KCNJ16: variants seen among roughly 807,000 people sequenced by gnomAD.
KCNJ16 encodes the protein potassium inwardly rectifying channel subfamily J member 16, also known as inward rectifier potassium channel 16.
Under a neutral mutation model 18.5 loss-of-function variants are expected in KCNJ16, and 15 were observed. That is an observed-to-expected ratio of 0.81 (90% confidence interval 0.54 to 1.25). The LOEUF (loss-of-function observed/expected upper bound fraction) is 1.25. KCNJ16 is among the 50% of genes most tolerant of loss of function. The probability of loss-of-function intolerance (pLI) is 0.00; values close to 1 mark genes in which losing one functional copy is unlikely to be tolerated. For missense variants in KCNJ16, 523 were observed against 525.7 expected (o/e 0.99, Z 0.05); for synonymous variants, 174 against 186.5 (o/e 0.93, Z 0.55).
intron 2 of KCNJ16, among the ~76,000 whole-genome samples, chr17:70,105,703 CT>C: frequency 6.6e-6 from 1 of 152,006 alleles, no homozygotes; most frequent in East Asian, 1.9e-4. Context: ...GGCTTTCGAA[CT>C]TTTAATGTTT....
chr17:70,076,507 C>G (rs1412296143), intron 1 of KCNJ16, among the ~76,000 whole-genome samples: 2 of 152,090 alleles, frequency 1.3e-5, no homozygotes, highest in Non-Finnish European at 2.9e-5. Context: ...TGTAATCCTG[C>G]TTGTTTATTT....
chr17:70,094,945 T>G (rs1038408570), intron 1 of KCNJ16, among the ~76,000 whole-genome samples: 4 of 152,246 alleles, frequency 2.6e-5, no homozygotes, highest in Non-Finnish European at 5.9e-5. Context: ...GTAGGTTTTA[T>G]TAAGTTCAGA....
intron 2 of KCNJ16, among the ~76,000 whole-genome samples, chr17:70,110,480 G>GCACACACACACACACA (rs1337834954): frequency 0.026 from 3,982 of 151,072 alleles, 69 homozygotes; most frequent in Admixed American, 0.057. Flanking sequence ...CACTTCGTGC[G>GCACACACACACACACA]CGCACACACA....
chr17:70,103,317 T>TACACACACAC (rs1437218496), intron 2 of KCNJ16, among the ~76,000 whole-genome samples: 2 of 20,418 alleles, frequency 9.8e-5, no homozygotes, highest in African/African-American at 2.8e-4. Context: ...TATATATATA[T>TACACACACAC]ATATACACAC....
chr17:70,083,855 G>A (rs2071670374), intron 1 of KCNJ16, among the ~76,000 whole-genome samples: 1 of 152,166 alleles, frequency 6.6e-6, no homozygotes, highest in Non-Finnish European at 1.5e-5. Flanking sequence ...GGACATAGTG[G>A]TGTGAAGTGG....
intron 2 of KCNJ16, among the ~76,000 whole-genome samples, chr17:70,103,321 T>TATATATAC (rs1355893521): frequency 8.5e-4 from 38 of 44,482 alleles, no homozygotes; most frequent in African/African-American, 2.6e-3. Context: ...TATATATATA[T>TATATATAC]ACACACACAT....
chr17:70,124,633 G>T (rs1351610502), intron 2 of KCNJ16, among the ~76,000 whole-genome samples: 2 of 152,004 alleles, frequency 1.3e-5, no homozygotes, highest in Non-Finnish European at 2.9e-5. Context: ...AAGCAACTTG[G>T]GCTAACATCC....
rs1167891902 is a variant in KCNJ16, at chr17:70,132,420, T to G, written c.333T>G (p.Cys111Trp). Residue 111 changes from cysteine (C) to tryptophan (W), a missense_variant, in exon 4 of 4, where the codon TGT becomes TGG. By Grantham distance (215) the Cys-to-Trp change is radical (BLOSUM62 -2). Transcript: ENST00000392671. ...DLLNDPDITP[C>W]VDNVHSFTGA... is the part of the protein sequence containing the mutation. ...TAAATGATCCAGACATCACACCTTGTGTTGACAACGTCCATTCTTTCACAG... is the reference window on the plus strand; with the variant it reads ...TAAATGATCCAGACATCACACCTTGGGTTGACAACGTCCATTCTTTCACAG... 1 of 1,614,114 alleles carries G rather than the reference T, an allele frequency of 6.2e-7. No homozygotes were observed. The highest frequency in any genetic ancestry group is 8.5e-7 in the Non-Finnish European group (1 of 1,180,042).
At chr17:70,106,382 T>C (rs1306805199) in intron 2 of KCNJ16, among the ~76,000 whole-genome samples, 1 of 152,208 alleles carries the variant, frequency 6.6e-6, no homozygotes, top group Admixed American at 6.5e-5. Flanking sequence ...TATTATTTAA[T>C]TTCATTTGAT....
chr17:70,119,618 T>C (rs1250232584), intron 2 of KCNJ16, among the ~76,000 whole-genome samples: 3 of 152,200 alleles, frequency 2.0e-5, no homozygotes, highest in Admixed American at 1.3e-4. Context: ...TCAAGCAAGC[T>C]GTGTCTGGGG....
At chr17:70,106,694 T>A (rs1312949267) in intron 2 of KCNJ16, among the ~76,000 whole-genome samples, 1 of 152,162 alleles carries the variant, frequency 6.6e-6, no homozygotes, top group Non-Finnish European at 1.5e-5. Context: ...CAATATTTAA[T>A]CTTCAGCTTT....
chr17:70,124,825 C>G (rs2073792886), intron 2 of KCNJ16, among the ~76,000 whole-genome samples: 1 of 152,022 alleles, frequency 6.6e-6, no homozygotes, highest in Non-Finnish European at 1.5e-5. Flanking sequence ...TAGGCTCGTT[C>G]CTAAAGTAAT....
At chr17:70,110,019 G>T (rs892027735) in intron 2 of KCNJ16, among the ~76,000 whole-genome samples, 3 of 152,146 alleles carry the variant, frequency 2.0e-5, no homozygotes, top group African/African-American at 7.2e-5. Context: ...TACTTAAACA[G>T]TTCTCCATTG....
At chr17:70,112,699 T>C (rs1350650443) in intron 2 of KCNJ16, among the ~76,000 whole-genome samples, 1 of 152,182 alleles carries the variant, frequency 6.6e-6, no homozygotes, top group Non-Finnish European at 1.5e-5. Flanking sequence ...CTCATCCCTG[T>C]CCCCTTCTCT....
rs573131682 is a variant in KCNJ16 at position 70,133,684 on chromosome 17, A to C, written c.*340A>C. 27 of 205,750 alleles carry C rather than the reference A, an allele frequency of 1.3e-4. No individual in the cohort carries two copies. The highest frequency in any genetic ancestry group is 2.4e-4 in the Non-Finnish European group (22 of 92,172). The allele number at this position is 205,750 out of a possible 1,614,324, so 12.7% of individuals were successfully genotyped here. ...AAGGAGGCTGGAATAAATAAAAATAAAAATAGACAAGTAAGACAGCATAAA... is the reference window on the plus strand; with the variant it reads ...AAGGAGGCTGGAATAAATAAAAATACAAATAGACAAGTAAGACAGCATAAA... On this transcript the variant is annotated 3_prime_UTR_variant, in exon 4 of 4. Transcript: ENST00000392671.
chr17:70,098,516 T>C (rs553452185), intron 1 of KCNJ16, among the ~76,000 whole-genome samples: 2 of 151,856 alleles, frequency 1.3e-5, no homozygotes, highest in South Asian at 4.1e-4. Flanking sequence ...AGTTGAAATC[T>C]TCTTTCTTTT....
intron 1 of KCNJ16, among the ~76,000 whole-genome samples, chr17:70,083,243 T>G (rs1415086184): frequency 3.4e-5 from 5 of 148,872 alleles, no homozygotes; most frequent in African/African-American, 9.8e-5. Context: ...TTATAATATA[T>G]GTAGCAGGTG....
intron 1 of KCNJ16, among the ~76,000 whole-genome samples, chr17:70,092,831 C>A (rs1288924587): frequency 6.6e-6 from 1 of 152,112 alleles, no homozygotes; most frequent in African/African-American, 2.4e-5. Context: ...TGCCCCATCT[C>A]CAGAAAAAGG....
Position 70,133,117 on chromosome 17 carries a change from T to G in KCNJ16, c.1030T>G (p.Leu344Val). Residue 344 changes from leucine (L) to valine (V), a missense_variant, in exon 4 of 4, where the codon TTG becomes GTG. Physicochemically the swap from Leu to Val is conservative, Grantham distance 32. Transcript: ENST00000392671. The part of the protein sequence containing the change: ...VYAPFCSAKQ[L>V]DWKDQQLHIE... ...TGCCCCCTTTTGCAGTGCCAAGCAATTGGACTGGAAAGACCAGCAGCTCCA... is the reference window on the plus strand; with the variant it reads ...TGCCCCCTTTTGCAGTGCCAAGCAAGTGGACTGGAAAGACCAGCAGCTCCA... 6.2e-7 allele frequency: 1 copy of G among 1,614,148 alleles called. No homozygotes were observed. The highest frequency in any genetic ancestry group is 8.5e-7 in the Non-Finnish European group (1 of 1,180,040).
Sources: gnomAD v4.1 joint callset for allele counts (sites outside exome capture counted in the v4.1 genomes callset) on GRCh38, gnomAD v4.1.1 for gene constraint, MANE v1.5 for transcripts, NCBI Gene and HGNC (gene_info 2026-07-23, HGNC 2026-07-21) for gene names.